Variants in PRDM5 observed in about 807,000 individuals in gnomAD.
PRDM5 encodes the protein PR/SET domain 5.
A neutral mutation model predicts 81.2 loss-of-function variants in PRDM5; 56 were observed. That is an observed-to-expected ratio of 0.69 (90% CI 0.56 to 0.86). The LOEUF is 0.86. PRDM5 is among the 40% of genes least tolerant of loss of function. The probability of loss-of-function intolerance (pLI) is 0.00; values close to 1 mark genes in which losing one functional copy is unlikely to be tolerated. For synonymous variants in PRDM5, 267 were observed against 256.4 expected (o/e 1.04, Z -0.39); for missense variants, 697 against 770.1 (o/e 0.91, Z 1.12).
intron 14 of PRDM5, among the ~76,000 whole-genome samples, chr4:120,732,969 T>C (rs896650172): frequency 2.0e-5 from 3 of 152,250 alleles, no homozygotes; most frequent in South Asian, 2.1e-4. Flanking sequence ...ATGTTGTGCA[T>C]TGTATTTTGT....
intron 15 of PRDM5, among the ~76,000 whole-genome samples, chr4:120,701,450 C>T (rs764561679): frequency 6.6e-6 from 1 of 151,984 alleles, no homozygotes; most frequent in African/African-American, 2.4e-5. Context: ...GAACAGTGGA[C>T]TGGATAAAGA....
At chr4:120,887,851 G>A (rs1436909115) in intron 2 of PRDM5, among the ~76,000 whole-genome samples, 1 of 105,468 alleles carries the variant, frequency 9.5e-6, no homozygotes, top group Non-Finnish European at 1.8e-5. Context: ...GGAGTGCAGT[G>A]GCGCAATCTC....
chr4:120,889,007 T>C (rs1487194986), intron 2 of PRDM5, among the ~76,000 whole-genome samples: 1 of 152,172 alleles, frequency 6.6e-6, no homozygotes, highest in Non-Finnish European at 1.5e-5. Context: ...ACAAATATCT[T>C]ATCATCCTCT....
At chr4:120,702,083 G>A (rs1376140346) in intron 15 of PRDM5, among the ~76,000 whole-genome samples, 1 of 152,150 alleles carries the variant, frequency 6.6e-6, no homozygotes, top group African/African-American at 2.4e-5. Context: ...AAGCATGCAA[G>A]TAATGCCTTC....
chr4:120,894,459 T>C (rs1240772614), intron 2 of PRDM5, among the ~76,000 whole-genome samples: 1 of 152,208 alleles, frequency 6.6e-6, no homozygotes, highest in Non-Finnish European at 1.5e-5. Context: ...CTCCCTTTAC[T>C]TTAATATTTC....
At chr4:120,874,003 G>A (rs188764817) in intron 2 of PRDM5, among the ~76,000 whole-genome samples, 18 of 151,818 alleles carry the variant, frequency 1.2e-4, no homozygotes, top group Non-Finnish European at 1.5e-5. Flanking sequence ...ATATTTATGG[G>A]GTATGGTGTG....
At chr4:120,735,533 A>T (rs914404458) in intron 14 of PRDM5, among the ~76,000 whole-genome samples, 9 of 148,632 alleles carry the variant, frequency 6.1e-5, no homozygotes, top group Non-Finnish European at 1.1e-4. Flanking sequence ...ACTGGGGCAT[A>T]AAAAAAAAAG....
chr4:120,708,582 A>G (rs1736519655), intron 15 of PRDM5, among the ~76,000 whole-genome samples: 1 of 152,086 alleles, frequency 6.6e-6, no homozygotes, highest in Non-Finnish European at 1.5e-5. Flanking sequence ...AACACAGTCA[A>G]TATACTAAAC....
In PRDM5 at chr4:120,700,976, T is replaced by A. The variant is rs571866506; in HGVS notation, c.1729-5701A>T. The stretch of plus-strand genomic sequence containing the variant: ...CCTGTCTCTACTACAAATACAAAAA[T>A]TAGCTGGGTGCGGTGGCGGGTGCCT... On this transcript the variant is annotated intron_variant, in intron 15 of 15. Coordinates refer to ENST00000264808, the MANE Select transcript of PRDM5 (RefSeq NM_018699.4). 2.8e-3 allele frequency among the ~76,000 whole-genome samples: 422 copies of A among 152,036 alleles called. 1 individual carries two copies. Among genetic ancestry groups the A allele is most frequent in the African/African-American group, 9.6e-3 (398 of 41,478 alleles).
intron 1 of PRDM5, among the ~76,000 whole-genome samples, chr4:120,914,275 G>C (rs1394303079): frequency 6.7e-6 from 1 of 149,302 alleles, no homozygotes; most frequent in African/African-American, 2.5e-5. Flanking sequence ...AAAGAGATAA[G>C]AATCAAATTC....
chr4:120,785,760 G>A (rs1006653910), intron 10 of PRDM5, among the ~76,000 whole-genome samples: 1 of 151,912 alleles, frequency 6.6e-6, no homozygotes, highest in South Asian at 2.1e-4. Flanking sequence ...TAAAACTAAG[G>A]CTCAAAAAGT....
intron 2 of PRDM5, among the ~76,000 whole-genome samples, chr4:120,855,007 T>C (rs367644073): frequency 2.0e-5 from 3 of 152,000 alleles, no homozygotes; most frequent in East Asian, 1.9e-4. Flanking sequence ...ATCTAACAGA[T>C]TGGCAGACAC....
intron 14 of PRDM5, among the ~76,000 whole-genome samples, chr4:120,726,000 C>T (rs754802996): frequency 6.6e-6 from 1 of 152,134 alleles, no homozygotes; most frequent in Non-Finnish European, 1.5e-5. Context: ...CTAGCTAGCC[C>T]TTTCCCATCA....
At chr4:120,750,014 T>A (rs2149138628) in intron 14 of PRDM5, among the ~76,000 whole-genome samples, 1 of 152,346 alleles carries the variant, frequency 6.6e-6, no homozygotes, top group Non-Finnish European at 1.5e-5. Context: ...GACCATAATG[T>A]CCTGTATCTG....
intron 14 of PRDM5, among the ~76,000 whole-genome samples, chr4:120,753,705 G>GA (rs551796879): frequency 5.5e-4 from 81 of 146,644 alleles, no homozygotes; most frequent in African/African-American, 1.0e-3. Flanking sequence ...CTTAAAATTT[G>GA]AAAAAAAAAA....
chr4:120,799,188 C>T (rs1162522632), intron 9 of PRDM5, among the ~76,000 whole-genome samples: 2 of 152,102 alleles, frequency 1.3e-5, no homozygotes, highest in Non-Finnish European at 2.9e-5. Context: ...AACTTACATA[C>T]TCAAAATGTA....
At chr4:120,751,567 A>G (rs1258524291) in intron 14 of PRDM5, among the ~76,000 whole-genome samples, 1 of 152,216 alleles carries the variant, frequency 6.6e-6, no homozygotes, top group African/African-American at 2.4e-5. Flanking sequence ...CTAAGCTGCA[A>G]AAATACAATG....
intron 12 of PRDM5, among the ~76,000 whole-genome samples, chr4:120,778,687 C>A (rs1200677675): frequency 6.6e-6 from 1 of 152,024 alleles, no homozygotes. Flanking sequence ...TTGAAAAACA[C>A]AATCGAATCA....
At chr4:120,781,404 G>C in intron 11 of PRDM5, 101 bp from the exon 12 acceptor site, 1 of 1,042,080 alleles carries the variant, frequency 9.6e-7, no homozygotes, top group Non-Finnish European at 1.5e-6. Context: ...TGTTGGCTTT[G>C]TAGCTCTAAG....
Sources: gnomAD v4.1 joint callset for allele counts (sites outside exome capture counted in the v4.1 genomes callset) on GRCh38, gnomAD v4.1.1 for gene constraint, MANE v1.5 for transcripts, NCBI Gene and HGNC (gene_info 2026-07-23, HGNC 2026-07-21) for gene names.